Variants in TRPM3 observed in about 807,000 individuals in gnomAD.
TRPM3 encodes long transient receptor potential channel 3.
Under a neutral mutation model 181.2 loss-of-function variants are expected in TRPM3, and 77 were observed. The ratio of observed to expected loss-of-function variants is 0.42; its 90% CI spans 0.35 to 0.51. The LOEUF is 0.51. Among genes scored for constraint, TRPM3 ranks in the 20% least tolerant of loss-of-function variants. The pLI is 0.01. For synonymous variants in TRPM3, 745 were observed against 796.4 expected (o/e 0.94, Z 1.09); for missense variants, 1,759 against 2,196.7 (o/e 0.80, Z 3.98).
At chr9:70,973,249 A>G (rs180959864) in intron 1 of TRPM3, among the ~76,000 whole-genome samples, 121 of 152,270 alleles carry the variant, frequency 7.9e-4, no homozygotes, top group Non-Finnish European at 1.4e-3. Flanking sequence ...ATCAGTCTAC[A>G]TTATCATACT....
At chr9:70,759,843 G>T (rs914545252) in intron 8 of TRPM3, among the ~76,000 whole-genome samples, 2 of 152,076 alleles carry the variant, frequency 1.3e-5, no homozygotes, top group Admixed American at 6.6e-5. Flanking sequence ...GGGGGTGGGG[G>T]GCTAGGGGAG....
intron 6 of TRPM3, among the ~76,000 whole-genome samples, chr9:70,818,519 C>T (rs572662612): frequency 7.9e-5 from 12 of 152,264 alleles, no homozygotes; most frequent in South Asian, 2.1e-4. Flanking sequence ...GATTTCTCTG[C>T]GCATCAAGGA....
chr9:70,658,369 C>G lies in TRPM3; in HGVS notation c.1346-17709G>C, dbSNP rs544319326. On this transcript the variant is annotated intron_variant, in intron 9 of 25. Transcript: ENST00000677713. ...TATGTATTTTTCTGACCTAATTAAT[C>G]CTCTAAGATATTAGGTTCCCTAAAG... Among the ~76,000 whole-genome samples the G allele has an allele frequency of 6.6e-5, 10 of 152,194 alleles. No homozygotes were observed. The South Asian group carries it at 2.1e-3, about 32-fold the overall frequency.
intron 1 of TRPM3, among the ~76,000 whole-genome samples, chr9:71,232,663 G>A (rs2081134928): frequency 6.6e-6 from 1 of 151,766 alleles, no homozygotes; most frequent in South Asian, 2.1e-4. Context: ...ACCACACCCA[G>A]CTAATTTTTG....
At chr9:70,567,232 G>T (rs2050841119) in intron 22 of TRPM3, among the ~76,000 whole-genome samples, 1 of 152,210 alleles carries the variant, frequency 6.6e-6, no homozygotes, top group African/African-American at 2.4e-5. Context: ...TTTCTAGACA[G>T]TTTCACTCAA....
chr9:71,074,609 A>G (rs2063204070), intron 1 of TRPM3, among the ~76,000 whole-genome samples: 1 of 152,152 alleles, frequency 6.6e-6, no homozygotes, highest in South Asian at 2.1e-4. Flanking sequence ...GTACTTTTCT[A>G]TCTAAAATAA....
intron 1 of TRPM3, among the ~76,000 whole-genome samples, chr9:71,436,298 C>CTTTTTTT (rs71352382): frequency 2.1e-4 from 16 of 77,296 alleles, no homozygotes; most frequent in South Asian, 5.1e-4. Context: ...TTTTTTCTTT[C>CTTTTTTT]TTTTTTTTTT....
intron 9 of TRPM3, among the ~76,000 whole-genome samples, chr9:70,677,872 A>C (rs2134184143): frequency 6.6e-6 from 1 of 152,188 alleles, no homozygotes; most frequent in Non-Finnish European, 1.5e-5. Flanking sequence ...TTAGCAAATA[A>C]AGATACAGCA....
intron 1 of TRPM3, among the ~76,000 whole-genome samples, chr9:71,141,935 G>A (rs1054936966): frequency 5.9e-5 from 9 of 152,052 alleles, no homozygotes; most frequent in African/African-American, 1.7e-4. Context: ...TCCATTCACT[G>A]GGGCCATAAT....
At chr9:71,020,430 T>C (rs955988484) in intron 1 of TRPM3, among the ~76,000 whole-genome samples, 2 of 151,610 alleles carry the variant, frequency 1.3e-5, no homozygotes, top group Admixed American at 6.6e-5. Context: ...CTGAACCATG[T>C]CTGTGCCACT....
At chr9:71,376,725 TATG>T (rs1338327819) in intron 1 of TRPM3, among the ~76,000 whole-genome samples, 9 of 152,104 alleles carry the variant, frequency 5.9e-5, no homozygotes, top group Non-Finnish European at 1.2e-4. Flanking sequence ...AAATAGGCAA[TATG>T]ATTTTTATTC....
chr9:71,442,347 G>C (rs562534403), intron 1 of TRPM3, among the ~76,000 whole-genome samples: 1 of 152,124 alleles, frequency 6.6e-6, no homozygotes, highest in African/African-American at 2.4e-5. Flanking sequence ...TCCTTTTACA[G>C]AGTTTACTCA....
intron 1 of TRPM3, among the ~76,000 whole-genome samples, chr9:70,879,907 CACAG>C (rs773361564): frequency 9.9e-5 from 15 of 152,154 alleles, no homozygotes; most frequent in South Asian, 4.1e-4. Flanking sequence ...TGTGCACACA[CACAG>C]ACACACACAC....
Position 70,677,997 on chromosome 9 carries a change from G to T in TRPM3, c.1345+3509C>A, listed in dbSNP as rs140457112. Among the ~76,000 whole-genome samples the T allele has an allele frequency of 4.7e-3, 713 of 151,654 alleles. 10 individuals carry two copies. Among genetic ancestry groups the T allele is most frequent in the African/African-American group, 0.016 (681 of 41,290 alleles). On this transcript the variant is annotated intron_variant, in intron 9 of 25. Transcript: ENST00000677713. ...TAAGTATGATAAGTCCCCACTTGGG[G>T]ACATACTTATGTTCAAAAATTATTT... is the stretch of plus-strand genomic sequence containing the variant.
intron 1 of TRPM3, among the ~76,000 whole-genome samples, chr9:70,876,174 A>G (rs1453874670): frequency 6.6e-6 from 1 of 151,746 alleles, no homozygotes; most frequent in African/African-American, 2.4e-5. Flanking sequence ...TAACTACCAA[A>G]GCCTATATCT....
chr9:71,015,222 C>T (rs1451363307), intron 1 of TRPM3, among the ~76,000 whole-genome samples: 2 of 152,134 alleles, frequency 1.3e-5, no homozygotes. Context: ...AAATTGCATG[C>T]AAATTGGTCC....
chr9:71,241,905 C>T (rs10868994), intron 1 of TRPM3, among the ~76,000 whole-genome samples: 106,866 of 152,134 alleles, frequency 0.7, 37,796 homozygotes, highest in African/African-American at 0.77. Flanking sequence ...GGCAAAAATA[C>T]AGCTCATGTG....
At chr9:70,921,835 C>T (rs1000842943) in intron 1 of TRPM3, among the ~76,000 whole-genome samples, 1 of 151,972 alleles carries the variant, frequency 6.6e-6, no homozygotes, top group African/African-American at 2.4e-5. Flanking sequence ...CCTCAAGGAA[C>T]AGAATGCTGC....
In TRPM3 at chr9:71,088,900, G is replaced by A. The variant is rs2065716415; in HGVS notation, c.177+32278C>T. 2.0e-5 allele frequency among the ~76,000 whole-genome samples: 3 copies of A among 151,704 alleles called. No homozygotes were observed. The Admixed American group carries it at 2.0e-4, about 10-fold the overall frequency. On this transcript the variant is annotated intron_variant, in intron 1 of 25. Coordinates refer to ENST00000677713, the MANE Select transcript of TRPM3 (RefSeq NM_001366145.2). ...ACTTAGGCAGAGAGGTGGAAAGAGA[G>A]GGAGAAAAGGGTATAATGGAAACTT...
Sources: gnomAD v4.1 joint callset for allele counts (sites outside exome capture counted in the v4.1 genomes callset) on GRCh38, gnomAD v4.1.1 for gene constraint, MANE v1.5 for transcripts, NCBI Gene and HGNC (gene_info 2026-07-23, HGNC 2026-07-21) for gene names.